Variants in PTPRA observed in about 807,000 individuals in gnomAD.
PTPRA encodes receptor-type tyrosine-protein phosphatase alpha.
Under a neutral mutation model 104.8 loss-of-function variants are expected in PTPRA, and 25 were observed. The ratio of observed to expected loss-of-function variants is 0.24; its 90% CI spans 0.17 to 0.33. The LOEUF is 0.33. PTPRA is among the 10% of genes least tolerant of loss of function. The pLI, the probability that PTPRA is intolerant of heterozygous loss-of-function variation, is 1.00. For missense variants in PTPRA, 765 were observed against 1,015.3 expected (o/e 0.75, Z 3.35); for synonymous variants, 323 against 368.9 (o/e 0.88, Z 1.43).
At chr20:3,002,325 T>TA in intron 9 of PTPRA, among the ~76,000 whole-genome samples, 1 of 59,738 alleles carries the variant, frequency 1.7e-5, no homozygotes, top group Non-Finnish European at 4.1e-5. Flanking sequence ...TGTAGTAATT[T>TA]TTTTTTTTTT....
At chr20:2,970,639 G>T (rs1281140032) in intron 5 of PTPRA, among the ~76,000 whole-genome samples, 1 of 152,080 alleles carries the variant, frequency 6.6e-6, no homozygotes, top group Non-Finnish European at 1.5e-5. Flanking sequence ...TGTTCCCTAG[G>T]TGGTCATCTA....
chr20:2,902,804 G>T (rs1050228682), intron 1 of PTPRA, among the ~76,000 whole-genome samples: 2 of 152,148 alleles, frequency 1.3e-5, no homozygotes, highest in Non-Finnish European at 2.9e-5. Flanking sequence ...ATGTTGAATT[G>T]TAGATATGCT....
intron 2 of PTPRA, among the ~76,000 whole-genome samples, chr20:2,941,781 T>C (rs955477671): frequency 6.6e-6 from 1 of 152,210 alleles, no homozygotes; most frequent in African/African-American, 2.4e-5. Context: ...CGGACTGGCA[T>C]GGAGTTCCCT....
intron 10 of PTPRA, 92 bp from the exon 11 acceptor site, chr20:3,007,252 A>G (rs2063918962): frequency 2.4e-6 from 3 of 1,260,000 alleles, no homozygotes; most frequent in Admixed American, 3.5e-5. Flanking sequence ...GTCTGTGCAC[A>G]TAGGCACAGA....
the PTPRA span, chr20:2,865,450 G>A: frequency 6.2e-7 from 1 of 1,614,182 alleles, no homozygotes; most frequent in East Asian, 2.2e-5. The surrounding 1 kb of genome is among the most constrained non-coding windows in gnomAD (Gnocchi z 5.2). Context: ...ATTGGGAAGA[G>A]CTAGAGAAGT....
At chr20:2,912,319 G>A (rs1447681910) in intron 1 of PTPRA, among the ~76,000 whole-genome samples, 2 of 150,758 alleles carry the variant, frequency 1.3e-5, no homozygotes, top group African/African-American at 4.9e-5. Context: ...AAATCTGTTT[G>A]GTATTAAAAC....
chr20:2,926,307 T>TC (rs1345568396), intron 2 of PTPRA, among the ~76,000 whole-genome samples: 1 of 152,176 alleles, frequency 6.6e-6, no homozygotes, highest in Non-Finnish European at 1.5e-5. Context: ...AGGCTAGAAG[T>TC]CTTGCGGGCT....
At chr20:2,985,554 A>G (rs540953471) in intron 6 of PTPRA, among the ~76,000 whole-genome samples, 22 of 152,224 alleles carry the variant, frequency 1.4e-4, no homozygotes, top group Non-Finnish European at 2.8e-4. Context: ...CGGATGAGTC[A>G]GTGCCTGGCC....
chr20:2,921,327 T>C (rs1272491156), intron 1 of PTPRA, among the ~76,000 whole-genome samples: 2 of 150,382 alleles, frequency 1.3e-5, no homozygotes, highest in African/African-American at 2.4e-5. Context: ...ATGCGCTTTT[T>C]TTTTTTTTTT....
intron 2 of PTPRA, among the ~76,000 whole-genome samples, chr20:2,926,769 C>CTTTTTTTTTTTTTTTTTTTTTT (rs777386962): frequency 7.4e-4 from 63 of 85,038 alleles, no homozygotes; most frequent in East Asian, 8.8e-4. Context: ...TTTCCTTTTC[C>CTTTTTTTTTTTTTTTTTTTTTT]TTTTTTTTTT....
In PTPRA at chr20:2,977,670, A is replaced by G. The variant is rs1428151973; in HGVS notation, c.442+2429A>G. Among the ~76,000 whole-genome samples, 3 of 151,974 alleles carry G rather than the reference A, an allele frequency of 2.0e-5. No homozygotes were observed. In the East Asian group the frequency reaches 5.8e-4, roughly 29 times the overall value. On this transcript the variant is annotated intron_variant, in intron 6 of 23. Coordinates refer to ENST00000399903, the MANE Select transcript of PTPRA (RefSeq NM_001385305.1). ...AAAAAAAAAAAGGGCGGGGATTATC[A>G]TAGTGCCATTATTATTATGAGTTTA...
rs547995323 is a variant in PTPRA at position 2,901,123 on chromosome 20, A to T, written c.-128-22084A>T. Among the ~76,000 whole-genome samples the T allele has an allele frequency of 2.0e-4, 30 of 152,020 alleles. No homozygotes were observed. In the South Asian group the frequency reaches 6.2e-3, roughly 32 times the overall value. On this transcript the variant is annotated intron_variant, in intron 1 of 23. Transcript: ENST00000399903. ...GTAGCTGGGATTACAGGCGCGCGAC[A>T]CCACACCTCGCTAATTTTTGTATTT...
At chr20:2,965,252 CT>C (rs1408340310) in intron 5 of PTPRA, 50 bp downstream of exon 5, 1 of 1,464,156 alleles carries the variant, frequency 6.8e-7, no homozygotes, top group Non-Finnish European at 9.2e-7. Flanking sequence ...TTTAGTCTTC[CT>C]TTTATTATCT....
chr20:2,985,849 T>G (rs1043538350), intron 6 of PTPRA, among the ~76,000 whole-genome samples: 1 of 152,156 alleles, frequency 6.6e-6, no homozygotes, highest in Non-Finnish European at 1.5e-5. Context: ...CCCAAAGTGC[T>G]GGGATAGGCA....
chr20:2,880,620 AAAT>A (rs1600047339), intron 1 of PTPRA, among the ~76,000 whole-genome samples: 2 of 152,354 alleles, frequency 1.3e-5, no homozygotes, highest in East Asian at 3.9e-4. Context: ...TGAGCTATTC[AAAT>A]AAGTCAGCTC....
intron 1 of PTPRA, among the ~76,000 whole-genome samples, chr20:2,884,814 T>TC (rs2090282852): frequency 3.8e-5 from 1 of 26,436 alleles, no homozygotes; most frequent in South Asian, 2.3e-3. Context: ...TTTTTTTTGT[T>TC]TTTTTTTTTT....
intron 20 of PTPRA, among the ~76,000 whole-genome samples, chr20:3,032,571 G>C (rs12053618): frequency 4.8e-4 from 73 of 151,040 alleles, no homozygotes; most frequent in Non-Finnish European, 8.0e-4. Flanking sequence ...ATCGAGACCA[G>C]CCTGGCCAAC....
chr20:2,895,428 T>G (rs2058961380), intron 1 of PTPRA, among the ~76,000 whole-genome samples: 1 of 152,148 alleles, frequency 6.6e-6, no homozygotes, highest in African/African-American at 2.4e-5. Flanking sequence ...ACGTAATTGC[T>G]GAAGGCTCCT....
chr20:2,910,589 G>T (rs6084197), intron 1 of PTPRA, among the ~76,000 whole-genome samples: 10,228 of 57,088 alleles, frequency 0.18, 1,353 homozygotes, highest in South Asian at 0.31. Context: ...TTTTTTTTTT[G>T]TTTTTTTTTT....
Sources: allele counts gnomAD v4.1 joint callset (sites outside exome capture counted in the v4.1 genomes callset), GRCh38; gene constraint gnomAD v4.1.1; non-coding constraint Gnocchi (gnomAD v3.1); transcripts MANE v1.5; gene names NCBI Gene and HGNC (gene_info 2026-07-23, HGNC 2026-07-21).